SGCZ: variants seen among roughly 807,000 people sequenced by gnomAD.
The protein encoded by SGCZ is zeta-sarcoglycan.
In SGCZ, 40 loss-of-function variants were observed where a neutral mutation model predicts 41.3. The observed-to-expected ratio is 0.97, with a 90% CI of 0.75 to 1.26. The LOEUF (loss-of-function observed/expected upper bound fraction) is 1.26. SGCZ is among the 50% of genes most tolerant of loss of function. The pLI, the probability that SGCZ is intolerant of heterozygous loss-of-function variation, is 0.00. For synonymous variants in SGCZ, 206 were observed against 137.5 expected (o/e 1.50, Z -3.49); for missense variants, 552 against 369.8 (o/e 1.49, Z -4.04).
At chr8:14,211,965 C>T (rs374953899) in intron 4 of SGCZ, among the ~76,000 whole-genome samples, 9 of 152,284 alleles carry the variant, frequency 5.9e-5, no homozygotes, top group East Asian at 3.9e-4. Flanking sequence ...AATCTCAGTC[C>T]TGAGGTGGAA....
At chr8:14,753,453 T>C (rs780507544) in intron 1 of SGCZ, among the ~76,000 whole-genome samples, 3 of 152,230 alleles carry the variant, frequency 2.0e-5, no homozygotes, top group Non-Finnish European at 4.4e-5. Context: ...GATGTGTTGC[T>C]ATAGCATTGA....
At chr8:15,234,153 A>G (rs1021522960) in intron 1 of SGCZ, among the ~76,000 whole-genome samples, 1 of 152,186 alleles carries the variant, frequency 6.6e-6, no homozygotes. Context: ...AAACTTAGTC[A>G]TCTCATTTCC....
At chr8:15,208,146 T>A (rs1801128726) in intron 1 of SGCZ, among the ~76,000 whole-genome samples, 1 of 152,200 alleles carries the variant, frequency 6.6e-6, no homozygotes, top group Non-Finnish European at 1.5e-5. Context: ...AATAATGCCT[T>A]TCAAGGCCAA....
intron 1 of SGCZ, among the ~76,000 whole-genome samples, chr8:14,593,222 T>C (rs1228160567): frequency 6.6e-6 from 1 of 152,088 alleles, no homozygotes; most frequent in African/African-American, 2.4e-5. Context: ...AAAGCTCCGT[T>C]GTAAAAGGAA....
chr8:15,006,410 G>A (rs1335918943), intron 1 of SGCZ, among the ~76,000 whole-genome samples: 2 of 152,140 alleles, frequency 1.3e-5, no homozygotes, highest in African/African-American at 2.4e-5. Context: ...TTTAGAAAAG[G>A]ATTTAAATAA....
intron 1 of SGCZ, among the ~76,000 whole-genome samples, chr8:14,701,716 CCTT>C (rs1261094467): frequency 1.3e-5 from 2 of 151,800 alleles, no homozygotes. Flanking sequence ...AATCATGAGA[CCTT>C]CTTTCTCTCA....
intron 2 of SGCZ, among the ~76,000 whole-genome samples, chr8:14,362,299 G>A (rs1316707396): frequency 6.6e-6 from 1 of 152,212 alleles, no homozygotes; most frequent in East Asian, 1.9e-4. Context: ...ATCTAGAGAG[G>A]CAGTAGGCCT....
chr8:14,227,320 A>C (rs1806407347), intron 4 of SGCZ, among the ~76,000 whole-genome samples: 1 of 152,150 alleles, frequency 6.6e-6, no homozygotes, highest in South Asian at 2.1e-4. Flanking sequence ...ATGAATTATT[A>C]ACATGTTCTA....
intron 1 of SGCZ, among the ~76,000 whole-genome samples, chr8:14,729,174 A>G (rs898934755): frequency 1.3e-5 from 2 of 152,048 alleles, no homozygotes; most frequent in African/African-American, 4.8e-5. Context: ...CTAAAGTCAC[A>G]CCTTTCTTCC....
chr8:14,109,131 T>C (rs1775189176), intron 5 of SGCZ, among the ~76,000 whole-genome samples: 1 of 152,116 alleles, frequency 6.6e-6, no homozygotes. Context: ...CTCTCTGGAG[T>C]TAGGGCTTAA....
intron 1 of SGCZ, among the ~76,000 whole-genome samples, chr8:14,583,382 T>C (rs1313486650): frequency 6.6e-6 from 1 of 152,188 alleles, no homozygotes; most frequent in African/African-American, 2.4e-5. Flanking sequence ...TTTGTTTGAG[T>C]TCATTGTAGA....
At chr8:14,947,243 T>C (rs1292516055) in intron 1 of SGCZ, among the ~76,000 whole-genome samples, 2 of 152,176 alleles carry the variant, frequency 1.3e-5, no homozygotes, top group Non-Finnish European at 2.9e-5. Context: ...CCCGGAAGTA[T>C]TTCAAATTTC....
At chr8:14,369,146 A>G (rs1803822050) in intron 2 of SGCZ, among the ~76,000 whole-genome samples, 1 of 151,950 alleles carries the variant, frequency 6.6e-6, no homozygotes, top group Non-Finnish European at 1.5e-5. Flanking sequence ...TATATAATGT[A>G]CAAATCTTAT....
chr8:14,721,836 T>C (rs769430637), intron 1 of SGCZ, among the ~76,000 whole-genome samples: 15 of 151,612 alleles, frequency 9.9e-5, no homozygotes, highest in Non-Finnish European at 2.1e-4. Flanking sequence ...GGCCATTCAT[T>C]AACTATCTGA....
chr8:14,172,367 G>C (rs1332387937), intron 4 of SGCZ, among the ~76,000 whole-genome samples: 2 of 152,102 alleles, frequency 1.3e-5, no homozygotes, highest in African/African-American at 4.8e-5. Flanking sequence ...CATTTGGAAG[G>C]AACACATCAC....
chr8:15,131,806 A>G (rs1481246210), intron 1 of SGCZ, among the ~76,000 whole-genome samples: 1 of 152,202 alleles, frequency 6.6e-6, no homozygotes, highest in Non-Finnish European at 1.5e-5. Flanking sequence ...GGGAATGGCT[A>G]AAAAAACATC....
intron 4 of SGCZ, among the ~76,000 whole-genome samples, chr8:14,172,167 A>C (rs1032271194): frequency 6.6e-6 from 1 of 152,156 alleles, no homozygotes; most frequent in Non-Finnish European, 1.5e-5. Flanking sequence ...CAAGAGAATA[A>C]TCTTCCAAAT....
intron 1 of SGCZ, among the ~76,000 whole-genome samples, chr8:15,019,324 T>C (rs1803163033): frequency 6.6e-6 from 1 of 152,132 alleles, no homozygotes; most frequent in South Asian, 2.1e-4. Context: ...CTTGAACAGA[T>C]GGGCAACAAA....
intron 1 of SGCZ, among the ~76,000 whole-genome samples, chr8:14,874,987 A>C (rs1460284789): frequency 6.6e-6 from 1 of 152,124 alleles, no homozygotes; most frequent in African/African-American, 2.4e-5. Context: ...CTTAAAAAGG[A>C]CTCAGATCTT....
Sources: gnomAD v4.1 joint callset for allele counts (sites outside exome capture counted in the v4.1 genomes callset) on GRCh38, gnomAD v4.1.1 for gene constraint, MANE v1.5 for transcripts, NCBI Gene and HGNC (gene_info 2026-07-23, HGNC 2026-07-21) for gene names.